Variants in ZNF578 observed in about 807,000 individuals in gnomAD.
ZNF578 encodes the protein Putative chemokine-related protein B42.
Under a neutral mutation model 8.3 loss-of-function variants are expected in ZNF578, and 8 were observed. That is an observed-to-expected ratio of 0.96 (90% CI 0.56 to 1.74). ZNF578 has a LOEUF of 1.74. Among genes scored for constraint, ZNF578 ranks in the 40% most tolerant of loss-of-function variants. ZNF578 has a pLI of 0.00. For missense variants in ZNF578, 726 were observed against 707.5 expected (o/e 1.03, Z -0.30); for synonymous variants, 206 against 232.2 (o/e 0.89, Z 1.03).
In ZNF578 at chr19:52,511,082, A is replaced by G. The variant is rs201417979; in HGVS notation, c.701A>G (p.Asn234Ser). 5.6e-6 allele frequency: 9 copies of G among 1,614,214 alleles called. No individual in the cohort carries two copies. The Admixed American group carries it at 1.0e-4, about 18-fold the overall frequency. Residue 234 changes from asparagine (N) to serine (S), a missense_variant, in exon 6 of 6, where the codon AAT (asparagine) becomes AGT (serine). By Grantham distance (46) the Asn-to-Ser change is conservative. Transcript: ENST00000421239. ...VHMREKSFQC[N>S]ETGEAFNCSS... ...ATGAGAGAAAAATCTTTCCAATGTA[A>G]TGAGACTGGCGAAGCCTTTAATTGT...
intron 2 of ZNF578, among the ~76,000 whole-genome samples, chr19:52,485,612 T>C (rs985829423): frequency 6.6e-6 from 1 of 152,212 alleles, no homozygotes; most frequent in African/African-American, 2.4e-5. Context: ...GACTTCCTTT[T>C]GTTCTGTACT....
In ZNF578 at chr19:52,515,408, A is replaced by C. The variant is rs1006070485; in HGVS notation, c.*3254A>C. 5.3e-5 allele frequency among the ~76,000 whole-genome samples: 8 copies of C among 152,178 alleles called. No homozygotes were observed. Among genetic ancestry groups the C allele is most frequent in the African/African-American group, 1.9e-4 (8 of 41,446 alleles). ...GTGAGTTTTTTGTAAGGAAGAATTAACTGTCAGGAATCAATGTCATCAGAA... is the reference window on the plus strand; with the variant it reads ...GTGAGTTTTTTGTAAGGAAGAATTACCTGTCAGGAATCAATGTCATCAGAA... On this transcript the variant is annotated 3_prime_UTR_variant, in exon 6 of 6. Transcript: ENST00000421239.
At chr19:52,500,961 C>A (rs1310149761) in intron 3 of ZNF578, among the ~76,000 whole-genome samples, 2 of 150,696 alleles carry the variant, frequency 1.3e-5, no homozygotes, top group Non-Finnish European at 2.9e-5. Flanking sequence ...TCACTGCAAC[C>A]TCTGTCTCCT....
chr19:52,515,370 T>C lies in ZNF578; in HGVS notation c.*3216T>C, dbSNP rs2059469637. On this transcript the variant is annotated 3_prime_UTR_variant, in exon 6 of 6. Transcript: ENST00000421239. ...GCTGTGTGTTCACACTTCTGCATTT[T>C]ATAAATGTTCCTGTGAGTTTTTTGT... Among the ~76,000 whole-genome samples the C allele has an allele frequency of 6.6e-6, 1 of 152,218 alleles. No homozygotes were observed. The highest frequency in any genetic ancestry group is 2.1e-4 in the South Asian group (1 of 4,836).
At chr19:52,504,216 G>A (rs1161824898) in intron 4 of ZNF578, among the ~76,000 whole-genome samples, 1 of 151,756 alleles carries the variant, frequency 6.6e-6, no homozygotes, top group Non-Finnish European at 1.5e-5. Context: ...TCAGCCTCCT[G>A]TGTAGCTGGG....
intron 2 of ZNF578, among the ~76,000 whole-genome samples, chr19:52,469,404 C>A (rs1406464839): frequency 6.6e-6 from 1 of 152,134 alleles, no homozygotes; most frequent in Non-Finnish European, 1.5e-5. Context: ...AAGTAATCCA[C>A]CTGCCTTGGC....
intron 2 of ZNF578, among the ~76,000 whole-genome samples, chr19:52,470,330 C>T (rs1477911843): frequency 6.6e-6 from 1 of 152,076 alleles, no homozygotes; most frequent in Admixed American, 6.5e-5. Flanking sequence ...TGATGTGACC[C>T]GTGAGGAGGT....
At chr19:52,459,774 T>TTTTTA (rs2059251959) in intron 2 of ZNF578, among the ~76,000 whole-genome samples, 1 of 60,982 alleles carries the variant, frequency 1.6e-5, no homozygotes, top group African/African-American at 6.9e-5. Context: ...TATATATTTT[T>TTTTTA]TTTTTTTTTT....
intron 2 of ZNF578, among the ~76,000 whole-genome samples, chr19:52,460,912 C>A (rs1185195671): frequency 6.6e-6 from 1 of 152,096 alleles, no homozygotes; most frequent in Non-Finnish European, 1.5e-5. Context: ...TTTTTTAAAA[C>A]CACCGTTGCT....
chr19:52,471,375 C>T (rs561476873), intron 2 of ZNF578, among the ~76,000 whole-genome samples: 30 of 152,224 alleles, frequency 2.0e-4, no homozygotes, highest in Non-Finnish European at 3.4e-4. Context: ...TTGTATGAGC[C>T]GGTTCTCCCT....
rs532728975 is a variant in ZNF578 at position 52,512,173 on chromosome 19, A to C, written c.*19A>C. On this transcript the variant is annotated 3_prime_UTR_variant, in exon 6 of 6. Transcript: ENST00000421239. ...ATCATAGACTTCATACTGGAGAGAA[A>C]CCTTACAAATGTGAAGCATGTGACA... is the stretch of plus-strand genomic sequence containing the variant. The C allele has an allele frequency of 6.2e-7, 1 of 1,613,932 alleles. No homozygotes were observed. Among genetic ancestry groups the C allele is most frequent in the South Asian group, 1.1e-5 (1 of 91,048 alleles).
At chr19:52,505,904 GT>G (rs111588563) in intron 5 of ZNF578, among the ~76,000 whole-genome samples, 162 of 145,562 alleles carry the variant, frequency 1.1e-3, no homozygotes, top group Admixed American at 2.5e-3. Context: ...TTTCTATGTT[GT>G]TTTTTTTTTT....
rs547041718 is a variant in ZNF578 at position 52,486,136 on chromosome 19, G to A, written c.-121-5188G>A. 7.2e-5 allele frequency among the ~76,000 whole-genome samples: 11 copies of A among 152,256 alleles called. No homozygotes were observed. The East Asian group carries it at 1.9e-3, about 27-fold the overall frequency. On this transcript the variant is annotated intron_variant, in intron 2 of 5. Coordinates refer to ENST00000421239, the MANE Select transcript of ZNF578 (RefSeq NM_001099694.2). ...CCTTAGGGCTGGAGGTGAGACATGC[G>A]GGCAGCAATACTGCTCTTTAAGGCA...
Position 52,511,002 on chromosome 19 carries a change from CTA to C in ZNF578, c.623_624del (p.Tyr208TrpfsTer3), listed in dbSNP as rs1568467951. ...GGCCTGAAACACATACTCCTAATAA[CTA>C]TGGGAATAATTTTTTCCATTCATCA... ...CRPETHTPNNYGNNFFHSSLL... is the reference protein window; with the variant it reads ...CRPETHTPNNXGNNFFHSSLL... On this transcript the variant is annotated frameshift_variant, in exon 6 of 6. Transcript: ENST00000421239. LOFTEE classifies it low-confidence loss of function (END_TRUNC). The C allele has an allele frequency of 6.2e-7, 1 of 1,614,170 alleles. No homozygotes were observed. Among genetic ancestry groups the C allele is most frequent in the Admixed American group, 1.7e-5 (1 of 60,020 alleles).
Position 52,511,880 on chromosome 19 carries a change from G to A in ZNF578, c.1499G>A (p.Cys500Tyr), listed in dbSNP as rs560002782. The change falls in exon 6 of 6, where the codon TGC (cysteine) becomes TAC (tyrosine). Residue 500 changes from cysteine to tyrosine, a missense_variant. By Grantham distance (194) the Cys-to-Tyr change is radical. Transcript: ENST00000421239. ...KTFSHRSSLP[C>Y]HRRLHSGEKP... ...TTCAGTCACAGGTCATCTCTTCCAT[G>A]CCATCGTAGACTTCATAGTGGTGAG... 34 of 1,613,170 alleles carry A rather than the reference G, an allele frequency of 2.1e-5. No homozygotes were observed. The highest frequency in any genetic ancestry group is 2.9e-5 in the Non-Finnish European group (34 of 1,179,832).
chr19:52,493,364 C>T (rs1045243540), intron 3 of ZNF578, among the ~76,000 whole-genome samples: 12 of 152,168 alleles, frequency 7.9e-5, no homozygotes, highest in Non-Finnish European at 1.5e-4. Context: ...CTGCAGTCAC[C>T]GCTTCCCCTG....
chr19:52,492,377 T>G (rs1210859421), intron 3 of ZNF578, among the ~76,000 whole-genome samples: 8 of 151,960 alleles, frequency 5.3e-5, no homozygotes, highest in East Asian at 1.9e-4. Flanking sequence ...CTTCTCCCTT[T>G]CCTGAGCACT....
At chr19:52,463,089 TA>T (rs1367939759) in intron 2 of ZNF578, among the ~76,000 whole-genome samples, 1 of 152,184 alleles carries the variant, frequency 6.6e-6, no homozygotes, top group Non-Finnish European at 1.5e-5. Flanking sequence ...ATCTCCTGTT[TA>T]TGTAATTGCA....
chr19:52,473,924 A>G, intron 2 of ZNF578: 2 of 330,216 alleles, frequency 6.1e-6, no homozygotes, highest in East Asian at 1.5e-4. Flanking sequence ...CATATGAATT[A>G]TCCAGTGTTC....
Sources: allele counts gnomAD v4.1 joint callset (sites outside exome capture counted in the v4.1 genomes callset), GRCh38; gene constraint gnomAD v4.1.1; transcripts MANE v1.5; gene names NCBI Gene and HGNC (gene_info 2026-07-23, HGNC 2026-07-21).